KCNJ12: variants seen among roughly 807,000 people sequenced by gnomAD.
KCNJ12 encodes potassium inwardly rectifying channel subfamily J member 12.
KCNJ12 carries 2 observed loss-of-function variants against 22.3 expected under a neutral mutation model. The observed-to-expected ratio is 0.09, with a 90% CI of 0.04 to 0.28. KCNJ12 has a LOEUF of 0.28. KCNJ12 is among the 10% of genes least tolerant of loss of function. KCNJ12 has a pLI of 1.00. For missense variants in KCNJ12, 155 were observed against 633.3 expected (o/e 0.24, Z 8.11); for synonymous variants, 117 against 261.4 (o/e 0.45, Z 5.33).
chr17:21,387,912 G>A (rs1197686041), intron 1 of KCNJ12, among the ~76,000 whole-genome samples: 1 of 152,152 alleles, frequency 6.6e-6, no homozygotes, highest in Non-Finnish European at 1.5e-5. Flanking sequence ...TGTCACTGCT[G>A]TGCCCCCCGA....
chr17:21,415,741 C>T lies in KCNJ12; in HGVS notation c.399C>T (p.Ala133=), dbSNP rs1156233634. The change falls in exon 3 of 3, where the codon GCC becomes GCT. Residue 133 remains alanine (A), a synonymous_variant. Transcript: ENST00000583088. The stretch of plus-strand genomic sequence containing the variant: ...TGCAGGTGCACGGCTTCATGGCGGC[C>T]TTCCTCTTCTCCATCGAGACGCAGA... The part of the protein sequence containing the change: ...CVMQVHGFMA[A]FLFSIETQTT... The T allele has an allele frequency of 5.0e-6, 8 of 1,612,660 alleles. No homozygotes were observed. The highest frequency in any genetic ancestry group is 6.8e-6 in the Non-Finnish European group (8 of 1,179,848).
intron 1 of KCNJ12, among the ~76,000 whole-genome samples, chr17:21,377,652 A>G (rs1904712663): frequency 6.6e-6 from 1 of 151,774 alleles, no homozygotes; most frequent in South Asian, 2.1e-4. Context: ...ATGGGCAGAG[A>G]CAGCTGGGGT....
At chr17:21,411,786 T>C (rs1481019690) in intron 2 of KCNJ12, among the ~76,000 whole-genome samples, 2 of 152,430 alleles carry the variant, frequency 1.3e-5, no homozygotes, top group South Asian at 2.1e-4. Flanking sequence ...GGCCTGTGTG[T>C]CCCTGGTGGA....
intron 1 of KCNJ12, among the ~76,000 whole-genome samples, chr17:21,403,043 G>A (rs1437500144): frequency 6.6e-6 from 1 of 152,298 alleles, no homozygotes; most frequent in African/African-American, 2.4e-5. Context: ...TGGGTCCTAG[G>A]GGCTCAAGAA....
intron 1 of KCNJ12, among the ~76,000 whole-genome samples, chr17:21,377,231 G>A (rs1200336295): frequency 6.6e-6 from 1 of 152,228 alleles, no homozygotes; most frequent in African/African-American, 2.4e-5. Context: ...CCCTCTGACT[G>A]GTTTGCACTA....
In KCNJ12 at chr17:21,417,408, G is replaced by GCTTTTAGAGTTTGC. The variant is rs1219210808; in HGVS notation, c.*769_*782dup. On this transcript the variant is annotated 3_prime_UTR_variant, in exon 3 of 3. Coordinates refer to ENST00000583088, the MANE Select transcript of KCNJ12 (RefSeq NM_021012.5). ...TGGGGCTGGGAAGAAACTGGTTTGA[G>GCTTTTAGAGTTTGC]CTTTTAGAGTTTGCCTTTGTACCTT... 3 of 167,148 alleles carry GCTTTTAGAGTTTGC rather than the reference G, an allele frequency of 1.8e-5. No homozygotes were observed. Among genetic ancestry groups the GCTTTTAGAGTTTGC allele is most frequent in the Middle Eastern group, 3.1e-3 (1 of 318 alleles). 10.4% of individuals were successfully genotyped at this position (167,148 alleles called of 1,614,324 possible). A position where few individuals can be genotyped will look rare whatever the true frequency, so the allele number is the denominator to read the frequency against.
chr17:21,418,077 A>G lies in KCNJ12; in HGVS notation c.*1433A>G, dbSNP rs112042165. On this transcript the variant is annotated 3_prime_UTR_variant, in exon 3 of 3. Coordinates refer to ENST00000583088, the MANE Select transcript of KCNJ12 (RefSeq NM_021012.5). ...CCACCCTCCCCCAGGTTGAGGCACTATGGCACCCTCATCAGGAAGAGGTTT... is the reference window on the plus strand; with the variant it reads ...CCACCCTCCCCCAGGTTGAGGCACTGTGGCACCCTCATCAGGAAGAGGTTT... 3.4e-4 allele frequency: 57 copies of G among 167,086 alleles called. No homozygotes were observed. The highest frequency in any genetic ancestry group is 5.1e-4 in the Non-Finnish European group (35 of 68,172). The allele number at this position is 167,086 out of a possible 1,614,324, so 10.4% of individuals were successfully genotyped here. A position where few individuals can be genotyped will look rare whatever the true frequency, so the allele number is the denominator to read the frequency against.
At chr17:21,397,164 G>A (rs1905394517) in intron 1 of KCNJ12, among the ~76,000 whole-genome samples, 2 of 152,336 alleles carry the variant, frequency 1.3e-5, no homozygotes, top group East Asian at 3.9e-4. Context: ...TTTGGCCTTG[G>A]GTAAGAAACT....
At chr17:21,403,926 T>C (rs1567702031) in intron 1 of KCNJ12, among the ~76,000 whole-genome samples, 2 of 152,408 alleles carry the variant, frequency 1.3e-5, no homozygotes, top group African/African-American at 2.4e-5. Context: ...AGAACTCTTA[T>C]AGTTTCAAGC....
intron 1 of KCNJ12, among the ~76,000 whole-genome samples, chr17:21,387,941 GC>G (rs1221456800): frequency 3.3e-5 from 5 of 152,080 alleles, no homozygotes; most frequent in Admixed American, 2.0e-4. Context: ...CTGGTTGGTA[GC>G]CCCCTTGACA....
chr17:21,395,568 C>CAAAAAAAAAAAAAAAAAA (rs10652801), intron 1 of KCNJ12, among the ~76,000 whole-genome samples: 11 of 48,122 alleles, frequency 2.3e-4, no homozygotes, highest in African/African-American at 9.2e-4. Flanking sequence ...GACTTCTTCT[C>CAAAAAAAAAAAAAAAAAA]AAAAAAAAAA....
At chr17:21,400,745 C>A (rs1472038887) in intron 1 of KCNJ12, among the ~76,000 whole-genome samples, 1 of 152,312 alleles carries the variant, frequency 6.6e-6, no homozygotes, top group African/African-American at 2.4e-5. Flanking sequence ...CTCAGAATAA[C>A]ACTTTTGAGT....
chr17:21,402,206 T>C (rs1221800741), intron 1 of KCNJ12, among the ~76,000 whole-genome samples: 3 of 152,306 alleles, frequency 2.0e-5, no homozygotes, highest in African/African-American at 7.2e-5. Flanking sequence ...GTGGCTACAG[T>C]TCCCACTTGA....
intron 1 of KCNJ12, among the ~76,000 whole-genome samples, chr17:21,403,132 C>G (rs1302857822): frequency 2.4e-3 from 358 of 152,028 alleles, no homozygotes; most frequent in African/African-American, 8.3e-3. Flanking sequence ...ATCCTTTGAG[C>G]TTGGAGGATG....
intron 1 of KCNJ12, among the ~76,000 whole-genome samples, chr17:21,396,445 C>A (rs1405322690): frequency 1.3e-5 from 2 of 152,196 alleles, no homozygotes; most frequent in East Asian, 1.9e-4. Context: ...AGGCAGCAAG[C>A]CCTGGCATGC....
intron 1 of KCNJ12, among the ~76,000 whole-genome samples, chr17:21,400,968 C>T (rs1201245281): frequency 6.6e-6 from 1 of 152,312 alleles, no homozygotes. Context: ...TGCTATAGGG[C>T]CTGGGGTGAG....
chr17:21,400,221 G>A (rs1311104018), intron 1 of KCNJ12, among the ~76,000 whole-genome samples: 2 of 152,236 alleles, frequency 1.3e-5, no homozygotes, highest in East Asian at 1.9e-4. Context: ...ACCTGGGGGT[G>A]GGGAGCAAGC....
intron 1 of KCNJ12, among the ~76,000 whole-genome samples, chr17:21,381,466 C>T (rs1904865080): frequency 6.6e-6 from 1 of 152,052 alleles, no homozygotes; most frequent in African/African-American, 2.4e-5. Flanking sequence ...ACTTCCAGGA[C>T]TCTTGCTCCC....
chr17:21,399,679 C>T (rs1306185491), intron 1 of KCNJ12, among the ~76,000 whole-genome samples: 1 of 152,138 alleles, frequency 6.6e-6, no homozygotes, highest in African/African-American at 2.4e-5. Context: ...AGGAGGTGGT[C>T]CAAGCCAGAC....
Sources: allele counts gnomAD v4.1 joint callset (sites outside exome capture counted in the v4.1 genomes callset), GRCh38; gene constraint gnomAD v4.1.1; transcripts MANE v1.5; gene names NCBI Gene and HGNC (gene_info 2026-07-23, HGNC 2026-07-21).